Variants in DLGAP3 observed in about 807,000 individuals in gnomAD.
DLGAP3 encodes disks large-associated protein 3.
Under a neutral mutation model 81.2 loss-of-function variants are expected in DLGAP3, and 17 were observed. The ratio of observed to expected loss-of-function variants is 0.21; its 90% CI spans 0.14 to 0.31. The LOEUF (loss-of-function observed/expected upper bound fraction) is 0.31, where lower values mean the gene tolerates loss of function less well. Among genes scored for constraint, DLGAP3 ranks in the 10% least tolerant of loss-of-function variants. The pLI is 1.00. For synonymous variants in DLGAP3, 577 were observed against 587.4 expected, an observed-to-expected ratio of 0.98 and a Z score of 0.26; for missense variants, 1,124 against 1,388.0, an observed-to-expected ratio of 0.81 and a Z score of 3.02.
At chr1:34,909,974 T>C (rs926690876) in intron 1 of DLGAP3, among the ~76,000 whole-genome samples, 3 of 152,236 alleles carry the variant, frequency 2.0e-5, no homozygotes, top group Non-Finnish European at 4.4e-5. Flanking sequence ...GCTAATGATA[T>C]ACACATGGAA....
chr1:34,915,602 T>TG (rs1320269313), intron 1 of DLGAP3, among the ~76,000 whole-genome samples: 2 of 152,208 alleles, frequency 1.3e-5, no homozygotes, highest in African/African-American at 4.8e-5. Flanking sequence ...CAACAAGGCC[T>TG]GAGCCCTCCT....
At chr1:34,876,738 G>A (rs538375779) in intron 8 of DLGAP3, among the ~76,000 whole-genome samples, 4 of 152,084 alleles carry the variant, frequency 2.6e-5, no homozygotes, top group African/African-American at 4.8e-5. Flanking sequence ...TGGTTCTTTC[G>A]ATGCTTATTC....
At chr1:34,886,856 A>T (rs188370330) in intron 5 of DLGAP3, among the ~76,000 whole-genome samples, 8 of 150,382 alleles carry the variant, frequency 5.3e-5, no homozygotes, top group African/African-American at 1.7e-4. Flanking sequence ...TATATATATA[A>T]AATACCAACT....
Position 34,869,025 on chromosome 1 carries a change from C to T in DLGAP3, c.2065G>A (p.Gly689Ser), listed in dbSNP as rs1280897212. The part of the protein sequence containing the change: ...AGVQADLELE[G>S]LAGLATVATE... The stretch of plus-strand genomic sequence containing the variant: ...GCCACCGTGGCCAGGCCTGCCAGGC[C>T]CTCCAGCTCCAGGTCTGCCTGCACG... Residue 689 changes from glycine to serine, a missense_variant, in exon 9 of 12, where the codon GGC becomes AGC. Gly to Ser is a moderately conservative substitution (Grantham distance 56, BLOSUM62 0). Coordinates refer to ENST00000373347, the MANE Select transcript of DLGAP3 (RefSeq NM_001080418.3). 1 of 1,602,540 alleles carries T rather than the reference C, an allele frequency of 6.2e-7. No individual in the cohort carries two copies. Among genetic ancestry groups the T allele is most frequent in the Non-Finnish European group, 8.5e-7 (1 of 1,179,226 alleles).
chr1:34,917,412 G>A (rs1557502877), intron 1 of DLGAP3, among the ~76,000 whole-genome samples: 1 of 142,638 alleles, frequency 7.0e-6, no homozygotes, highest in Non-Finnish European at 1.5e-5. Flanking sequence ...CAGTGGCACT[G>A]TCATGGCTCA....
At chr1:34,925,921 C>T (rs568904633) in intron 1 of DLGAP3, among the ~76,000 whole-genome samples, 2 of 152,198 alleles carry the variant, frequency 1.3e-5, no homozygotes, top group East Asian at 3.9e-4. Context: ...CCTGGACACC[C>T]CCACAAACCC....
intron 1 of DLGAP3, among the ~76,000 whole-genome samples, chr1:34,909,831 GA>G (rs551922997): frequency 6.6e-6 from 1 of 150,542 alleles, no homozygotes; most frequent in Non-Finnish European, 1.5e-5. Context: ...TGCTTCCTAA[GA>G]AAAAAAAACA....
At chr1:34,915,238 C>G (rs1473021904) in intron 1 of DLGAP3, among the ~76,000 whole-genome samples, 1 of 152,212 alleles carries the variant, frequency 6.6e-6, no homozygotes, top group East Asian at 1.9e-4. Context: ...CAATGAGTAA[C>G]TAAGCTGACC....
chr1:34,906,018 A>T lies in DLGAP3; in HGVS notation c.-51-584T>A, dbSNP rs9793299. Among the ~76,000 whole-genome samples, 160 of 79,846 alleles carry T rather than the reference A, an allele frequency of 2.0e-3. 8 individuals are homozygous for T. Among genetic ancestry groups the T allele is most frequent in the South Asian group, 9.9e-3 (32 of 3,236 alleles). 52.4% of individuals were successfully genotyped at this position (79,846 alleles called of 152,430 possible). ...AGAGCGAGACCTGGCCTCTAAATTT[A>T]TATATATATATATATTTGTTTGTTT... is the stretch of plus-strand genomic sequence containing the variant. On this transcript the variant is annotated intron_variant, in intron 2 of 11. Coordinates refer to ENST00000373347, the MANE Select transcript of DLGAP3 (RefSeq NM_001080418.3).
Position 34,902,374 on chromosome 1 carries a change from CAA to C in DLGAP3, c.1107+1901_1107+1902del, listed in dbSNP as rs928562149. The stretch of plus-strand genomic sequence containing the variant: ...TAGGGCTCATTTGGATGATGGGAAA[CAA>C]AGAGATGAGGCTCCATAAAGAAACA... On this transcript the variant is annotated intron_variant, in intron 3 of 11. Coordinates refer to ENST00000373347, the MANE Select transcript of DLGAP3 (RefSeq NM_001080418.3). This position sits in a 1 kb window ranked among gnomAD's most constrained non-coding sequence, Gnocchi z 4.4. 3.9e-5 allele frequency among the ~76,000 whole-genome samples: 6 copies of C among 152,158 alleles called. No homozygotes were observed. Among genetic ancestry groups the C allele is most frequent in the Admixed American group, 2.6e-4 (4 of 15,292 alleles).
intron 1 of DLGAP3, among the ~76,000 whole-genome samples, chr1:34,924,807 G>T (rs773221876): frequency 6.6e-6 from 1 of 152,238 alleles, no homozygotes; most frequent in Non-Finnish European, 1.5e-5. Flanking sequence ...TGGGGGAAGG[G>T]TTCCTAAATA....
intron 8 of DLGAP3, among the ~76,000 whole-genome samples, chr1:34,872,197 G>T (rs965435306): frequency 2.6e-5 from 4 of 152,166 alleles, no homozygotes; most frequent in Admixed American, 2.0e-4. Context: ...GCAGAGAGGG[G>T]ACAGAAAGGT....
At chr1:34,869,196 T>G in intron 8 of DLGAP3, 107 bp from the exon 9 acceptor site, 1 of 780,338 alleles carries the variant, frequency 1.3e-6, no homozygotes, top group Non-Finnish European at 2.0e-6. Flanking sequence ...ACCTACAAAG[T>G]GATGGACATT....
chr1:34,919,174 C>G (rs1639763895), intron 1 of DLGAP3, among the ~76,000 whole-genome samples: 2 of 152,156 alleles, frequency 1.3e-5, no homozygotes, highest in East Asian at 1.9e-4. Flanking sequence ...CCCTTCACCC[C>G]TAGAGCCTGG....
intron 8 of DLGAP3, among the ~76,000 whole-genome samples, chr1:34,870,230 TAA>T (rs2148393097): frequency 6.6e-6 from 1 of 152,254 alleles, no homozygotes; most frequent in South Asian, 2.1e-4. Flanking sequence ...TTCTTTTCTA[TAA>T]AGAAGTCAGT....
At chr1:34,918,494 C>A (rs770643237) in intron 1 of DLGAP3, among the ~76,000 whole-genome samples, 1 of 152,218 alleles carries the variant, frequency 6.6e-6, no homozygotes, top group South Asian at 2.1e-4. Flanking sequence ...TCACCTGCTA[C>A]CCTTAGGAAG....
At chr1:34,918,146 A>G (rs1304496263) in intron 1 of DLGAP3, among the ~76,000 whole-genome samples, 1 of 152,190 alleles carries the variant, frequency 6.6e-6, no homozygotes, top group Non-Finnish European at 1.5e-5. Context: ...ACAGACAGAC[A>G]GACAGGCATG....
intron 1 of DLGAP3, among the ~76,000 whole-genome samples, chr1:34,922,089 T>C (rs1180469420): frequency 2.0e-5 from 3 of 152,160 alleles, no homozygotes; most frequent in Non-Finnish European, 2.9e-5. Context: ...TCTGTAGCAA[T>C]GCCAATGTTT....
In DLGAP3 at chr1:34,865,644, G is replaced by A. The variant is rs1217958095; in HGVS notation, c.*439C>T. 1.1e-5 allele frequency: 3 copies of A among 269,068 alleles called. No individual in the cohort carries two copies. The highest frequency in any genetic ancestry group is 2.2e-5 in the Non-Finnish European group (3 of 137,518). 16.7% of individuals were successfully genotyped at this position (269,068 alleles called of 1,614,324 possible). A position where few individuals can be genotyped will look rare whatever the true frequency, so the allele number is the denominator to read the frequency against. On this transcript the variant is annotated 3_prime_UTR_variant, in exon 12 of 12. Coordinates refer to ENST00000373347, the MANE Select transcript of DLGAP3 (RefSeq NM_001080418.3). ...GATGGAGCCCCTGGGAGGGTGGGGCGGGCTCCTAGGCAGGGTTCGGGATTC... is the reference window on the plus strand; with the variant it reads ...GATGGAGCCCCTGGGAGGGTGGGGCAGGCTCCTAGGCAGGGTTCGGGATTC...
Sources: allele counts gnomAD v4.1 joint callset (sites outside exome capture counted in the v4.1 genomes callset), GRCh38; gene constraint gnomAD v4.1.1; non-coding constraint Gnocchi (gnomAD v3.1); transcripts MANE v1.5; gene names NCBI Gene and HGNC (gene_info 2026-07-23, HGNC 2026-07-21).